The following ASH1L variants were observed in gnomAD, a reference collection of about 807,000 sequenced individuals.
The protein encoded by ASH1L is ASH1 like histone lysine methyltransferase, also known as histone-lysine N-methyltransferase ASH1L.
A neutral mutation model predicts 269.0 loss-of-function variants in ASH1L; 23 were observed. The observed-to-expected ratio is 0.09, with a 90% CI of 0.06 to 0.12. ASH1L has a LOEUF of 0.12. ASH1L is among the 10% of genes least tolerant of loss of function. The pLI is 1.00. For missense variants in ASH1L, 2,912 were observed against 3,567.8 expected (o/e 0.82, Z 4.68); for synonymous variants, 1,187 against 1,253.5 (o/e 0.95, Z 1.12).
intron 7 of ASH1L, among the ~76,000 whole-genome samples, chr1:155,392,690 T>C (rs914156477): frequency 6.6e-6 from 1 of 152,120 alleles, no homozygotes; most frequent in Non-Finnish European, 1.5e-5. Flanking sequence ...GGTTTCACCA[T>C]GTTGGCCAGG....
chr1:155,346,637 CAAAAT>C (rs1653358846), intron 20 of ASH1L, among the ~76,000 whole-genome samples, 168 bp from the exon 21 acceptor site: 1 of 152,010 alleles, frequency 6.6e-6, no homozygotes, highest in Admixed American at 6.6e-5. Flanking sequence ...AGGAGGAAAA[CAAAAT>C]AATGACTGTT....
chr1:155,550,505 T>C (rs1401664723), intron 1 of ASH1L, among the ~76,000 whole-genome samples: 1 of 152,180 alleles, frequency 6.6e-6, no homozygotes. Context: ...ATTCCCCCCT[T>C]TACTGTTTTA....
At position 155,422,439 on chromosome 1, in the gene ASH1L, G is replaced by A. The variant is rs148297468; in HGVS notation, c.5829-6516C>T. Reference sequence around the variant, plus strand: ...ATTTTTGTATTTTTAGTAGAAGCGGGGTTTCACCATGTTTGCCAGGCTGCT... The same window carrying A: ...ATTTTTGTATTTTTAGTAGAAGCGGAGTTTCACCATGTTTGCCAGGCTGCT... On this transcript the variant is annotated intron_variant, in intron 5 of 27. Transcript: ENST00000392403. Among the ~76,000 whole-genome samples the A allele has an allele frequency of 6.0e-3, 909 of 151,448 alleles. 7 individuals are homozygous for A. The highest frequency in any genetic ancestry group is 0.021 in the African/African-American group (856 of 41,288).
chr1:155,493,694 C>T (rs1482425740), intron 2 of ASH1L, among the ~76,000 whole-genome samples: 1 of 152,010 alleles, frequency 6.6e-6, no homozygotes, highest in East Asian at 1.9e-4. Context: ...ATGGTGAAAC[C>T]CCATCTCTAC....
At chr1:155,546,239 G>A (rs1374915484) in intron 1 of ASH1L, among the ~76,000 whole-genome samples, 13 of 151,808 alleles carry the variant, frequency 8.6e-5, no homozygotes, top group African/African-American at 3.1e-4. Flanking sequence ...GCTGAGGCAG[G>A]AGAATCGCTT....
rs1425576519 is a variant in ASH1L, at chr1:155,337,112, C to G, written c.*548G>C. The G allele has an allele frequency of 6.6e-6, 1 of 152,370 alleles. No homozygotes were observed. 9.4% of individuals were successfully genotyped at this position (152,370 alleles called of 1,614,324 possible). A position where few individuals can be genotyped will look rare whatever the true frequency, so the allele number is the denominator to read the frequency against. On this transcript the variant is annotated 3_prime_UTR_variant, in exon 28 of 28. Transcript: ENST00000392403. ...CTGTCAACTCACATTTTACTTTGAC[C>G]TGGTTGGGCAAGAAAGGAGAGACAA...
chr1:155,409,159 G>A (rs1659556450), intron 6 of ASH1L, among the ~76,000 whole-genome samples: 1 of 151,834 alleles, frequency 6.6e-6, no homozygotes, highest in Admixed American at 6.6e-5. Flanking sequence ...CAAATAGCTG[G>A]GACTACAGGT....
chr1:155,478,000 G>A lies in ASH1L; in HGVS notation c.4870C>T (p.Arg1624Trp), dbSNP rs766450057. 1.7e-5 allele frequency: 28 copies of A among 1,614,058 alleles called. No individual in the cohort carries two copies. Among genetic ancestry groups the A allele is most frequent in the South Asian group, 2.2e-5 (2 of 91,084 alleles). The change falls in exon 3 of 28, where the codon CGG (arginine) becomes TGG (tryptophan). Residue 1624 changes from arginine (R) to tryptophan (W), a missense_variant. Physicochemically the swap from Arg to Trp is moderately radical, Grantham distance 101 (BLOSUM62 -3). This residue lies in a region of ASH1L where 789 missense variants were observed against 897.6 expected (regional missense o/e 0.88). Transcript: ENST00000392403. ...CRVSNPNSSGRKKLTDSPGLF... is the reference protein window; with the variant it reads ...CRVSNPNSSGWKKLTDSPGLF... ...CCAGGGCTGTCAGTTAATTTCTTCC[G>A]GCCACTGGAGTTAGGGTTTGAAACT...
intron 1 of ASH1L, among the ~76,000 whole-genome samples, chr1:155,554,296 G>A (rs1671430042): frequency 6.6e-6 from 1 of 151,330 alleles, no homozygotes; most frequent in South Asian, 2.1e-4. Context: ...TTTGGAGACG[G>A]AGTTTCACTC....
chr1:155,468,448 A>C (rs1664855704), intron 3 of ASH1L, among the ~76,000 whole-genome samples: 1 of 152,116 alleles, frequency 6.6e-6, no homozygotes, highest in African/African-American at 2.4e-5. Flanking sequence ...CCACCTCCTG[A>C]AAGTGTGTTC....
chr1:155,338,874 G>A (rs1450595773), intron 26 of ASH1L, among the ~76,000 whole-genome samples: 1 of 152,170 alleles, frequency 6.6e-6, no homozygotes, highest in East Asian at 1.9e-4. Flanking sequence ...AACAGATGAG[G>A]AGACTGAAGA....
In ASH1L at chr1:155,357,423, T is replaced by C; in HGVS notation, c.6961-13A>G. On this transcript the variant is annotated splice_polypyrimidine_tract_variant and intron_variant, in intron 14 of 27. Coordinates refer to ENST00000392403, the MANE Select transcript of ASH1L (RefSeq NM_018489.3). ...AGAGATGGCCTCTCTGAAAAAGAGA[T>C]GGATCAGATTAGAGATTTAAAAAAA... 6.2e-7 allele frequency: 1 copy of C among 1,607,598 alleles called. No homozygotes were observed. The highest frequency in any genetic ancestry group is 8.5e-7 in the Non-Finnish European group (1 of 1,174,472).
intron 5 of ASH1L, among the ~76,000 whole-genome samples, chr1:155,418,133 T>A (rs1281148192): frequency 6.6e-6 from 1 of 151,932 alleles, no homozygotes; most frequent in Non-Finnish European, 1.5e-5. Context: ...AATAATAAAT[T>A]CCTACATATG....
chr1:155,345,982 C>T, intron 21 of ASH1L: 1 of 371,410 alleles, frequency 2.7e-6, no homozygotes, highest in East Asian at 7.4e-5. Context: ...CAGGTGCACG[C>T]CTCCATGCCC....
At chr1:155,489,101 C>T (rs936916191) in intron 2 of ASH1L, among the ~76,000 whole-genome samples, 3 of 152,120 alleles carry the variant, frequency 2.0e-5, no homozygotes, top group African/African-American at 7.2e-5. Context: ...ATGTTAAATT[C>T]AACAGTTTCA....
At chr1:155,338,425 C>G (rs1250190548) in intron 26 of ASH1L, 35 bp from the exon 27 acceptor site, 1 of 1,585,958 alleles carries the variant, frequency 6.3e-7, no homozygotes, top group South Asian at 1.1e-5. Context: ...GTGTAAGACA[C>G]TTGAGGAGGA....
chr1:155,338,230 C>T lies in ASH1L; in HGVS notation c.8662G>A (p.Val2888Ile), dbSNP rs144063453. 2.8e-4 allele frequency: 445 copies of T among 1,613,896 alleles called. 2 individuals are homozygous for T. Among genetic ancestry groups the T allele is most frequent in the Non-Finnish European group, 3.5e-4 (414 of 1,179,986 alleles). ...EPEREGATAN[V>I]SEGEKKTEES... ...TCTGTTTTTTTTTCACCCTCACTGA[C>T]GTTAGCAGTGGCCCCTTCCCGTTCT... Residue 2888 changes from valine (V) to isoleucine (I), a missense_variant, in exon 27 of 28, where the codon GTC (valine) becomes ATC (isoleucine). This residue lies in a region of ASH1L where 154 missense variants were observed against 165.0 expected (regional missense o/e 0.93). Transcript: ENST00000392403.
chr1:155,548,679 A>G (rs1040418412), intron 1 of ASH1L, among the ~76,000 whole-genome samples: 1 of 152,224 alleles, frequency 6.6e-6, no homozygotes, highest in Non-Finnish European at 1.5e-5. Context: ...TATTCTAGAT[A>G]AATTTCTCCC....
chr1:155,436,518 A>G (rs1268032310), intron 5 of ASH1L, among the ~76,000 whole-genome samples: 1 of 72,854 alleles, frequency 1.4e-5, no homozygotes, highest in Non-Finnish European at 2.6e-5. Flanking sequence ...TTTTTTTGAG[A>G]AGGAGTCTCG....
Sources: allele counts gnomAD v4.1 joint callset (sites outside exome capture counted in the v4.1 genomes callset), GRCh38; gene constraint gnomAD v4.1.1; regional missense constraint gnomAD v4.1.1; transcripts MANE v1.5; gene names NCBI Gene and HGNC (gene_info 2026-07-23, HGNC 2026-07-21).